NME8: variants seen among roughly 807,000 people sequenced by gnomAD.
NME8 encodes NME/NM23 family member 8.
A neutral mutation model predicts 82.3 loss-of-function variants in NME8; 72 were observed. The ratio of observed to expected loss-of-function variants is 0.87; its 90% CI spans 0.72 to 1.06. The LOEUF is 1.06. NME8 is among the 50% of genes least tolerant of loss of function. The pLI, the probability that NME8 is intolerant of heterozygous loss-of-function variation, is 0.00. For missense variants in NME8, 712 were observed against 685.4 expected, an observed-to-expected ratio of 1.04 and a Z score of -0.43; for synonymous variants, 267 against 228.5, an observed-to-expected ratio of 1.17 and a Z score of -1.52.
chr7:37,896,462 T>C (rs983916813), intron 16 of NME8, among the ~76,000 whole-genome samples: 1 of 152,216 alleles, frequency 6.6e-6, no homozygotes, highest in South Asian at 2.1e-4. Context: ...GGCTGTTGTA[T>C]GCTCACATCA....
In NME8 at chr7:37,867,623, T is replaced by C. The variant is rs1381198210; in HGVS notation, c.622-79T>C. ...GGACCATGGAGAGGGAAGATTTCAT[T>C]TGACTTGGGTAGTGACCACCATTTT... On this transcript the variant is annotated intron_variant, in intron 10 of 17. Coordinates refer to ENST00000199447, the MANE Select transcript of NME8 (RefSeq NM_016616.5). 4 of 1,028,194 alleles carry C rather than the reference T, an allele frequency of 3.9e-6. No homozygotes were observed. The East Asian group carries it at 7.2e-5, about 19-fold the overall frequency. 63.7% of individuals were successfully genotyped at this position (1,028,194 alleles called of 1,614,324 possible). A position where few individuals can be genotyped will look rare whatever the true frequency, so the allele number is the denominator to read the frequency against.
At position 37,862,021 on chromosome 7, in the gene NME8, C is replaced by A; in HGVS notation, c.271-7C>A. The stretch of plus-strand genomic sequence containing the variant: ...AAGTTCCCCTCCTGTTTTCATTTCC[C>A]TTATAGAATGGCAAAATTATCGAAA... On this transcript the variant is annotated splice_region_variant and splice_polypyrimidine_tract_variant and intron_variant, in intron 6 of 17. Coordinates refer to ENST00000199447, the MANE Select transcript of NME8 (RefSeq NM_016616.5). 1 of 1,596,090 alleles carries A rather than the reference C, an allele frequency of 6.3e-7. No individual in the cohort carries two copies. The highest frequency in any genetic ancestry group is 1.1e-5 in the South Asian group (1 of 90,682).
intron 15 of NME8, among the ~76,000 whole-genome samples, chr7:37,888,863 G>GT (rs921604808): frequency 3.6e-4 from 52 of 145,996 alleles, no homozygotes; most frequent in Non-Finnish European, 5.2e-4. Flanking sequence ...ATTTTACTTG[G>GT]TTTTTTTTTT....
At chr7:37,867,424 A>G (rs1784702481) in intron 10 of NME8, among the ~76,000 whole-genome samples, 1 of 151,988 alleles carries the variant, frequency 6.6e-6, no homozygotes, top group Non-Finnish European at 1.5e-5. Flanking sequence ...TTATTTTTCT[A>G]AGGATACAAA....
At chr7:37,894,769 ACCTC>A (rs1785194457) in intron 16 of NME8, among the ~76,000 whole-genome samples, 159 bp downstream of exon 16, 3 of 150,640 alleles carry the variant, frequency 2.0e-5, no homozygotes, top group Admixed American at 2.0e-4. Context: ...CTATTTCCTT[ACCTC>A]CCTCCCTATC....
intron 11 of NME8, among the ~76,000 whole-genome samples, chr7:37,874,091 A>G (rs551619108): frequency 6.6e-6 from 1 of 152,336 alleles, no homozygotes; most frequent in East Asian, 1.9e-4. Flanking sequence ...ATACTTAGCA[A>G]TATATCACCT....
At chr7:37,892,543 G>A (rs1353618361) in intron 15 of NME8, among the ~76,000 whole-genome samples, 3 of 151,470 alleles carry the variant, frequency 2.0e-5, no homozygotes, top group Non-Finnish European at 3.0e-5. Flanking sequence ...ATACACACAC[G>A]TGTAGACATG....
In NME8 at chr7:37,850,369, A is replaced by G. The variant is rs765880975; in HGVS notation, c.34-9A>G. On this transcript the variant is annotated splice_polypyrimidine_tract_variant and intron_variant, in intron 3 of 17. Transcript: ENST00000199447. Reference sequence around the variant, plus strand: ...TTGAATACCTTTTACAGTGCCTTCCACTTTGCAGACAGTCATCAATAATCA... The same window carrying G: ...TTGAATACCTTTTACAGTGCCTTCCGCTTTGCAGACAGTCATCAATAATCA... 2 of 1,614,152 alleles carry G rather than the reference A, an allele frequency of 1.2e-6. No individual in the cohort carries two copies. Among genetic ancestry groups the G allele is most frequent in the East Asian group, 4.5e-5 (2 of 44,880 alleles).
Position 37,867,720 on chromosome 7 carries a change from G to T in NME8, c.640G>T (p.Val214Phe). Residue 214 changes from valine (V) to phenylalanine (F), a missense_variant, in exon 11 of 18, where the codon GTC becomes TTC. Physicochemically the swap from Val to Phe is conservative, Grantham distance 50. Transcript: ENST00000199447. ...TTTGTAGTGTGACTTCGAAGAGTTT[G>T]TCTCTTTTATGACAAGTGGCTTAAG... ...IADQCDFEEF[V>F]SFMTSGLSYI... 6 of 1,613,070 alleles carry T rather than the reference G, an allele frequency of 3.7e-6. No individual in the cohort carries two copies. Among genetic ancestry groups the T allele is most frequent in the Non-Finnish European group, 5.1e-6 (6 of 1,179,148 alleles).
rs370146151 is a variant in NME8 at position 37,897,009 on chromosome 7, A to G, written c.1684A>G (p.Lys562Glu). The G allele has an allele frequency of 2.8e-5, 45 of 1,613,850 alleles. 1 individual carries two copies. The East Asian group carries it at 4.0e-4, about 14-fold the overall frequency. ...IRAQFGISKL[K>E]NIVHGASNAY... ...AGCCCAGTTTGGAATAAGTAAATTG[A>G]AAAACATTGTCCATGGAGCATCTAA... The change falls in exon 17 of 18, where the codon AAA becomes GAA. Residue 562 changes from lysine (K) to glutamate (E), a missense_variant. Physicochemically the swap from Lys to Glu is moderately conservative, Grantham distance 56. Coordinates refer to ENST00000199447, the MANE Select transcript of NME8 (RefSeq NM_016616.5).
chr7:37,850,358 C>T lies in NME8; in HGVS notation c.34-20C>T, dbSNP rs1479255691. ...TGCACTAGTGCTTGAATACCTTTTACAGTGCCTTCCACTTTGCAGACAGTC... is the reference window on the plus strand; with the variant it reads ...TGCACTAGTGCTTGAATACCTTTTATAGTGCCTTCCACTTTGCAGACAGTC... On this transcript the variant is annotated intron_variant, in intron 3 of 17. Coordinates refer to ENST00000199447, the MANE Select transcript of NME8 (RefSeq NM_016616.5). 20 of 1,614,040 alleles carry T rather than the reference C, an allele frequency of 1.2e-5. No homozygotes were observed. The highest frequency in any genetic ancestry group is 1.6e-5 in the Non-Finnish European group (19 of 1,179,898).
Position 37,879,898 on chromosome 7 carries a change from G to T in NME8, c.994+2891G>T, listed in dbSNP as rs150703711. The stretch of plus-strand genomic sequence containing the variant: ...TTTGGGAGTTTAGTTACATTAATAG[G>T]TAAATAATATTACCTTAGTGTTGTC... On this transcript the variant is annotated intron_variant, in intron 12 of 17. Transcript: ENST00000199447. 1.4e-3 allele frequency among the ~76,000 whole-genome samples: 217 copies of T among 152,222 alleles called. 1 individual carries two copies. Among genetic ancestry groups the T allele is most frequent in the African/African-American group, 5.1e-3 (211 of 41,538 alleles).
intron 8 of NME8, among the ~76,000 whole-genome samples, chr7:37,863,865 G>A (rs905802490): frequency 4.6e-5 from 7 of 152,116 alleles, no homozygotes; most frequent in African/African-American, 1.7e-4. Flanking sequence ...GGGGTAGTGG[G>A]GTGTATGTGT....
intron 12 of NME8, among the ~76,000 whole-genome samples, chr7:37,880,063 T>C (rs1024735239): frequency 6.9e-6 from 1 of 145,240 alleles, no homozygotes; most frequent in Non-Finnish European, 1.5e-5. Context: ...ATTTTCCTCA[T>C]TGTTGAGTAG....
At chr7:37,866,166 G>T (rs1784674331) in intron 10 of NME8, among the ~76,000 whole-genome samples, 1 of 151,864 alleles carries the variant, frequency 6.6e-6, no homozygotes, top group Non-Finnish European at 1.5e-5. Context: ...GAAATGAACT[G>T]TCCAATATGG....
At position 37,862,022 on chromosome 7, in the gene NME8, T is replaced by G; in HGVS notation, c.271-6T>G. 6.3e-7 allele frequency: 1 copy of G among 1,599,188 alleles called. No homozygotes were observed. Among genetic ancestry groups the G allele is most frequent in the Non-Finnish European group, 8.6e-7 (1 of 1,166,470 alleles). On this transcript the variant is annotated splice_region_variant and splice_polypyrimidine_tract_variant and intron_variant, in intron 6 of 17. Coordinates refer to ENST00000199447, the MANE Select transcript of NME8 (RefSeq NM_016616.5). The stretch of plus-strand genomic sequence containing the variant: ...AGTTCCCCTCCTGTTTTCATTTCCC[T>G]TATAGAATGGCAAAATTATCGAAAA...
intron 17 of NME8, among the ~76,000 whole-genome samples, chr7:37,897,577 C>T (rs190640167): frequency 1.4e-4 from 22 of 152,082 alleles, no homozygotes; most frequent in African/African-American, 4.8e-4. Context: ...AGGATGCATG[C>T]GCAGAACGTG....
chr7:37,876,789 C>T (rs1394899476), intron 11 of NME8, 43 bp from the exon 12 acceptor site: 1 of 1,380,620 alleles, frequency 7.2e-7, no homozygotes, highest in Admixed American at 1.7e-5. Flanking sequence ...GGTTATAAAC[C>T]TCAGTTTATA....
chr7:37,881,934 A>G lies in NME8; in HGVS notation c.995-2369A>G, dbSNP rs143975336. Among the ~76,000 whole-genome samples the G allele has an allele frequency of 6.2e-4, 94 of 152,326 alleles. 1 individual carries two copies. Among genetic ancestry groups the G allele is most frequent in the African/African-American group, 2.1e-3 (88 of 41,574 alleles). ...AATGGGTCAATTTATCTGAATTATC[A>G]AATTTGTGAGCACAAAGTTGTATTG... On this transcript the variant is annotated intron_variant, in intron 12 of 17. Coordinates refer to ENST00000199447, the MANE Select transcript of NME8 (RefSeq NM_016616.5).
Sources: allele counts gnomAD v4.1 joint callset (sites outside exome capture counted in the v4.1 genomes callset), GRCh38; gene constraint gnomAD v4.1.1; transcripts MANE v1.5; gene names NCBI Gene and HGNC (gene_info 2026-07-23, HGNC 2026-07-21).